Variants in MDH1 observed in about 807,000 individuals in gnomAD.
MDH1 encodes malate dehydrogenase, cytoplasmic.
In MDH1, 15 loss-of-function variants were observed where a neutral mutation model predicts 38.7. That is an observed-to-expected ratio of 0.39 (90% CI 0.26 to 0.60). The LOEUF is 0.60. Ranked by LOEUF, MDH1 falls within the 20% of genes least tolerant of loss-of-function variation. The probability of loss-of-function intolerance (pLI) is 0.56; values close to 1 mark genes in which losing one functional copy is unlikely to be tolerated. For synonymous variants in MDH1, 144 were observed against 143.6 expected, an observed-to-expected ratio of 1.00 and a Z score of -0.02; for missense variants, 368 against 405.2, an observed-to-expected ratio of 0.91 and a Z score of 0.79.
At position 63,591,542 on chromosome 2, in the gene MDH1, T is replaced by C. The variant is rs371110641; in HGVS notation, c.3+2496T>C. Among the ~76,000 whole-genome samples the C allele has an allele frequency of 1.3e-4, 20 of 152,330 alleles. No individual in the cohort carries two copies. In the East Asian group the frequency reaches 2.5e-3, roughly 19 times the overall value. On this transcript the variant is annotated intron_variant, in intron 1 of 8. Transcript: ENST00000233114. ...AATTGACTGCATTATTCTAACCATA[T>C]AGGTGACCTTATGGGAAGTTAAACT... is the stretch of plus-strand genomic sequence containing the variant.
At chr2:63,605,259 C>T in intron 6 of MDH1, 21 bp from the exon 7 acceptor site, 2 of 1,531,622 alleles carry the variant, frequency 1.3e-6, no homozygotes, top group Non-Finnish European at 1.8e-6. Context: ...ATACTGCTGC[C>T]TTCACCTGCC....
In MDH1 at chr2:63,604,865, T is replaced by A; in HGVS notation, c.668T>A (p.Phe223Tyr). ...LKDDSWLKGE[F>Y]VTTVQQRGAA... The stretch of plus-strand genomic sequence containing the variant: ...GATGACAGCTGGCTCAAGGGAGAAT[T>A]TGTCACGGTAAGAAAAATCTGTGAG... Residue 223 changes from phenylalanine (F) to tyrosine (Y), a missense_variant, in exon 6 of 9, where the codon TTT becomes TAT. Physicochemically the swap from Phe to Tyr is conservative, Grantham distance 22. Coordinates refer to ENST00000233114, the MANE Select transcript of MDH1 (RefSeq NM_005917.4). The A allele has an allele frequency of 6.2e-7, 1 of 1,614,092 alleles. No homozygotes were observed. Among genetic ancestry groups the A allele is most frequent in the Admixed American group, 1.7e-5 (1 of 59,998 alleles).
Position 63,597,452 on chromosome 2 carries a change from A to C in MDH1, c.253A>C (p.Ile85Leu). 1 of 1,503,826 alleles carries C rather than the reference A, an allele frequency of 6.6e-7. No homozygotes were observed. Among genetic ancestry groups the C allele is most frequent in the South Asian group, 1.3e-5 (1 of 74,588 alleles). The allele number at this position is 1,503,826 out of a possible 1,614,324, so 93.2% of individuals were successfully genotyped here. Residue 85 changes from isoleucine (I) to leucine (L), a missense_variant, in exon 4 of 9, where the codon ATT becomes CTT. Transcript: ENST00000233114. Reference sequence around the variant, plus strand: ...TGCCTTCAAAGACCTGGATGTGGCCATTCTTGTGGGCTCCATGCCAAGAAG... The same window carrying C: ...TGCCTTCAAAGACCTGGATGTGGCCCTTCTTGTGGGCTCCATGCCAAGAAG... ...DVAFKDLDVA[I>L]LVGSMPRREG...
At position 63,605,301 on chromosome 2, in the gene MDH1, G is replaced by A; in HGVS notation, c.697G>A (p.Ala233Thr). 1 of 1,613,804 alleles carries A rather than the reference G, an allele frequency of 6.2e-7. No individual in the cohort carries two copies. The highest frequency in any genetic ancestry group is 8.5e-7 in the Non-Finnish European group (1 of 1,179,682). The change falls in exon 7 of 9, where the codon GCT (alanine) becomes ACT (threonine). Residue 233 changes from alanine (A) to threonine (T), a missense_variant. Coordinates refer to ENST00000233114, the MANE Select transcript of MDH1 (RefSeq NM_005917.4). ...FVTTVQQRGA[A>T]VIKARKLSSA... The stretch of plus-strand genomic sequence containing the variant: ...CCAGACTGTGCAGCAGCGTGGCGCT[G>A]CTGTCATCAAGGCTCGAAAACTATC...
At chr2:63,596,655 T>C (rs963668144) in intron 3 of MDH1, among the ~76,000 whole-genome samples, 1 of 152,250 alleles carries the variant, frequency 6.6e-6, no homozygotes, top group East Asian at 1.9e-4. Flanking sequence ...TTCAGACTTA[T>C]GGCAGCCTTG....
At chr2:63,590,446 C>T (rs973368112) in intron 1 of MDH1, 2 of 152,138 alleles carry the variant, frequency 1.3e-5, no homozygotes, top group Non-Finnish European at 2.9e-5. Flanking sequence ...AGACAGTGTA[C>T]TCAACTCCCT....
intron 1 of MDH1, among the ~76,000 whole-genome samples, chr2:63,591,710 A>G (rs1709204743): frequency 6.6e-6 from 1 of 152,218 alleles, no homozygotes; most frequent in South Asian, 2.1e-4. Flanking sequence ...AATCCATATC[A>G]AAGACAGACT....
intron 5 of MDH1, 26 bp from the exon 6 acceptor site, chr2:63,604,670 A>G (rs368563031): frequency 1.9e-6 from 3 of 1,577,290 alleles, no homozygotes; most frequent in Non-Finnish European, 2.6e-6. Context: ...TTGTCTCAGT[A>G]ATGTATTTGT....
intron 1 of MDH1, chr2:63,593,306 C>G: frequency 3.7e-6 from 1 of 269,416 alleles, no homozygotes; most frequent in Admixed American, 4.2e-5. Context: ...ATTGGTCAGG[C>G]TGGTCTCAAA....
chr2:63,607,094 C>G lies in MDH1; in HGVS notation c.*107C>G, dbSNP rs1224060976. ...CTATACTTAAATTACTTGTGAAAAA[C>G]AACACATTTTAAAGATTACGTGCTT... On this transcript the variant is annotated 3_prime_UTR_variant, in exon 9 of 9. Transcript: ENST00000233114. The G allele has an allele frequency of 1.7e-6, 2 of 1,164,200 alleles. No individual in the cohort carries two copies. The highest frequency in any genetic ancestry group is 5.2e-5 in the East Asian group (2 of 38,824). 72.1% of individuals were successfully genotyped at this position (1,164,200 alleles called of 1,614,324 possible).
At position 63,604,380 on chromosome 2, in the gene MDH1, AAAT is replaced by A. The variant is rs34791099; in HGVS notation, c.499-311_499-309del. The stretch of plus-strand genomic sequence containing the variant: ...CATATTCAAGAAATAGTAAATTGAT[AAAT>A]AATAGTAACGATTAATGTTTTATGT... On this transcript the variant is annotated intron_variant, in intron 5 of 8. Coordinates refer to ENST00000233114, the MANE Select transcript of MDH1 (RefSeq NM_005917.4). 1.5e-3 allele frequency among the ~76,000 whole-genome samples: 236 copies of A among 152,366 alleles called. 1 individual carries two copies. Among genetic ancestry groups the A allele is most frequent in the African/African-American group, 5.0e-3 (208 of 41,584 alleles).
In MDH1 at chr2:63,606,046, T is replaced by C. The variant is rs376732244; in HGVS notation, c.879+18T>C. ...TAATCAAGGTAAGGTATTTTGGAGC[T>C]ATTTCCCTTCTTTGAGGAAGTAGTT... On this transcript the variant is annotated intron_variant, in intron 8 of 8. Coordinates refer to ENST00000233114, the MANE Select transcript of MDH1 (RefSeq NM_005917.4). The C allele has an allele frequency of 3.1e-6, 5 of 1,597,952 alleles. No homozygotes were observed. Among genetic ancestry groups the C allele is most frequent in the Non-Finnish European group, 4.3e-6 (5 of 1,165,272 alleles).
At chr2:63,589,784 G>A (rs558872680) in intron 1 of MDH1, among the ~76,000 whole-genome samples, 4 of 152,276 alleles carry the variant, frequency 2.6e-5, no homozygotes, top group African/African-American at 9.6e-5. Flanking sequence ...CTGAAAGAGA[G>A]GGGGAGGGGG....
intron 1 of MDH1, chr2:63,594,228 G>A (rs1709258585): frequency 3.6e-6 from 2 of 561,710 alleles, no homozygotes; most frequent in Admixed American, 1.9e-5. Context: ...GCCTATTTTA[G>A]TGGTAAAATA....
In MDH1 at chr2:63,603,655, CTTTTTTT is replaced by C. The variant is rs11297982; in HGVS notation, c.499-1025_499-1019del. Among the ~76,000 whole-genome samples, 6 of 99,110 alleles carry C rather than the reference CTTTTTTT, an allele frequency of 6.1e-5. No homozygotes were observed. In the East Asian group the frequency reaches 2.0e-3, roughly 33 times the overall value. The allele number at this position is 99,110 out of a possible 152,430, so 65.0% of individuals were successfully genotyped here. A position where few individuals can be genotyped will look rare whatever the true frequency, so the allele number is the denominator to read the frequency against. ...TTTATTTAAATCTACCAAGACATTTCTTTTTTTTTTTTTTTTTTTTTTGAGACAGTCT... is the reference window on the plus strand; with the variant it reads ...TTTATTTAAATCTACCAAGACATTTCTTTTTTTTTTTTTTTGAGACAGTCT... On this transcript the variant is annotated intron_variant, in intron 5 of 8. Transcript: ENST00000233114.
At chr2:63,592,153 A>C (rs1308112884) in intron 1 of MDH1, among the ~76,000 whole-genome samples, 1 of 152,208 alleles carries the variant, frequency 6.6e-6, no homozygotes. Flanking sequence ...TACCAAGTAC[A>C]TGATAGGAAC....
intron 1 of MDH1, chr2:63,593,454 C>A: frequency 2.4e-6 from 1 of 414,852 alleles, no homozygotes; most frequent in Non-Finnish European, 5.0e-6. Context: ...TACCAAATTG[C>A]TGAGTGCTGC....
Position 63,603,354 on chromosome 2 carries a change from T to G in MDH1, c.499-1342T>G, listed in dbSNP as rs542596805. 1.8e-4 allele frequency among the ~76,000 whole-genome samples: 27 copies of G among 152,340 alleles called. No homozygotes were observed. The East Asian group carries it at 5.2e-3, about 29-fold the overall frequency. On this transcript the variant is annotated intron_variant, in intron 5 of 8. Transcript: ENST00000233114. Reference sequence around the variant, plus strand: ...CTTAAAATATCAAAGTGTATTCCTTTTCTTACATGGTAAATACTCAAATGC... The same window carrying G: ...CTTAAAATATCAAAGTGTATTCCTTGTCTTACATGGTAAATACTCAAATGC...
chr2:63,604,015 T>C lies in MDH1; in HGVS notation c.499-681T>C, dbSNP rs145247584. Among the ~76,000 whole-genome samples, 778 of 152,344 alleles carry C rather than the reference T, an allele frequency of 5.1e-3. 4 individuals carry two copies. Among genetic ancestry groups the C allele is most frequent in the Middle Eastern group, 6.8e-3 (2 of 294 alleles). On this transcript the variant is annotated intron_variant, in intron 5 of 8. Transcript: ENST00000233114. ...CTGTACTACATGTGATTGCAAGGCA[T>C]TGCAGGACCCTAAAGTGCTTTCTGG...
Sources: allele counts gnomAD v4.1 joint callset (sites outside exome capture counted in the v4.1 genomes callset), GRCh38; gene constraint gnomAD v4.1.1; transcripts MANE v1.5; gene names NCBI Gene and HGNC (gene_info 2026-07-23, HGNC 2026-07-21).